Variants in STX16 observed in about 807,000 individuals in gnomAD.
STX16 encodes syntaxin-16.
A neutral mutation model predicts 42.7 loss-of-function variants in STX16; 28 were observed. The ratio of observed to expected loss-of-function variants is 0.66; its 90% confidence interval spans 0.49 to 0.90. STX16 has a LOEUF of 0.90. Among genes scored for constraint, STX16 ranks in the 40% least tolerant of loss-of-function variants. The pLI is 0.00. For missense variants in STX16, 361 were observed against 420.9 expected (o/e 0.86, Z 1.24); for synonymous variants, 156 against 155.2 (o/e 1.00, Z -0.04).
rs190945470 is a variant in STX16, at chr20:58,659,730, G to A, written c.144+96G>A. The A allele has an allele frequency of 9.1e-5, 116 of 1,272,890 alleles. No homozygotes were observed. The East Asian group carries it at 2.3e-3, about 26-fold the overall frequency. 78.8% of individuals were successfully genotyped at this position (1,272,890 alleles called of 1,614,324 possible). A position where few individuals can be genotyped will look rare whatever the true frequency, so the allele number is the denominator to read the frequency against. ...TTTGCTCATATATAAAATGCTAACA[G>A]CTTATACATATTTAGCATTTGTTTT... On this transcript the variant is annotated intron_variant, in intron 2 of 8. Transcript: ENST00000371141.
chr20:58,659,091 A>C (rs1015641919), intron 1 of STX16, among the ~76,000 whole-genome samples: 1 of 152,256 alleles, frequency 6.6e-6, no homozygotes, highest in African/African-American at 2.4e-5. Context: ...GGTCACTCAC[A>C]TGTTATCTGA....
At chr20:58,673,443 T>C (rs1353014711) in intron 7 of STX16, among the ~76,000 whole-genome samples, 188 bp from the exon 8 acceptor site, 1 of 152,192 alleles carries the variant, frequency 6.6e-6, no homozygotes, top group Non-Finnish European at 1.5e-5. Flanking sequence ...CTAACCAGCA[T>C]TCTGCCATCG....
chr20:58,659,490 C>A (rs2083650882), intron 1 of STX16, 133 bp from the exon 2 acceptor site: 1 of 776,122 alleles, frequency 1.3e-6, no homozygotes, highest in Non-Finnish European at 1.9e-6. Flanking sequence ...CTTAGTGGAT[C>A]TTTATATTTA....
At chr20:58,666,663 A>C (rs987030174) in intron 2 of STX16, among the ~76,000 whole-genome samples, 2 of 152,168 alleles carry the variant, frequency 1.3e-5, no homozygotes, top group Non-Finnish European at 2.9e-5. Flanking sequence ...TCCTGACCTC[A>C]GATGATCTGC....
rs79263599 is a variant in STX16, at chr20:58,667,111, T to C, written c.145-379T>C. The C allele has an allele frequency of 8.9e-3, 2,559 of 288,390 alleles. 57 individuals are homozygous for C. The highest frequency in any genetic ancestry group is 0.053 in the African/African-American group (2,376 of 44,598). The allele number at this position is 288,390 out of a possible 1,614,324, so 17.9% of individuals were successfully genotyped here. A position where few individuals can be genotyped will look rare whatever the true frequency, so the allele number is the denominator to read the frequency against. ...CACTTGCAACTGATCACAAGAATCA[T>C]TGAGGTTCATGCCGTTCTATCACAG... is the stretch of plus-strand genomic sequence containing the variant. On this transcript the variant is annotated intron_variant, in intron 2 of 8. Coordinates refer to ENST00000371141, the MANE Select transcript of STX16 (RefSeq NM_001001433.3).
At chr20:58,667,100 C>T in intron 2 of STX16, 2 of 272,234 alleles carry the variant, frequency 7.3e-6, no homozygotes, top group East Asian at 1.0e-4. Flanking sequence ...TGCAACTGAT[C>T]ACAAGAATCA....
chr20:58,652,381 C>G (rs2083484481), intron 1 of STX16: 1 of 588,158 alleles, frequency 1.7e-6, no homozygotes, highest in African/African-American at 1.9e-5. Context: ...ACCCCCCCCC[C>G]CGCACCCCCC....
At chr20:58,674,617 A>T (rs1340435569) in intron 8 of STX16, among the ~76,000 whole-genome samples, 2 of 152,288 alleles carry the variant, frequency 1.3e-5, no homozygotes, top group Non-Finnish European at 2.9e-5. Flanking sequence ...CACTAGTCTA[A>T]CCAGAAGCCC....
intron 8 of STX16, among the ~76,000 whole-genome samples, chr20:58,675,715 G>T (rs2084098866): frequency 6.6e-6 from 1 of 152,186 alleles, no homozygotes; most frequent in Non-Finnish European, 1.5e-5. Flanking sequence ...GTCGAAATGG[G>T]GCCTCTTCCG....
rs757030182 is a variant in STX16, at chr20:58,670,625, C to T, written c.648+22C>T. 3 of 1,596,956 alleles carry T rather than the reference C, an allele frequency of 1.9e-6. No homozygotes were observed. The Admixed American group carries it at 5.0e-5, about 27-fold the overall frequency. On this transcript the variant is annotated intron_variant, in intron 6 of 8. Transcript: ENST00000371141. ...TCGGGTACGTGAACGGGCTGCAAAG[C>T]TGATTGCTGTGTCTGTGCACCCCAT...
chr20:58,652,271 T>C, intron 1 of STX16, 133 bp downstream of exon 1: 1 of 1,336,230 alleles, frequency 7.5e-7, no homozygotes, highest in Non-Finnish European at 1.0e-6. Context: ...TAAGATCTCT[T>C]GGCTAGAGTC....
rs947771134 is a variant in STX16 at position 58,676,537 on chromosome 20, T to C, written c.*246T>C. On this transcript the variant is annotated 3_prime_UTR_variant, in exon 9 of 9. Coordinates refer to ENST00000371141, the MANE Select transcript of STX16 (RefSeq NM_001001433.3). ...TTTGATACTGCTGCACAATAGAGAT[T>C]GAGTTCTGGGATCAGTTATAATATA... is the stretch of plus-strand genomic sequence containing the variant. 2.2e-6 allele frequency: 1 copy of C among 450,874 alleles called. No homozygotes were observed. The highest frequency in any genetic ancestry group is 3.8e-5 in the South Asian group (1 of 26,378). 27.9% of individuals were successfully genotyped at this position (450,874 alleles called of 1,614,324 possible).
At chr20:58,659,688 C>T in intron 2 of STX16, 54 bp downstream of exon 2, 1 of 1,586,970 alleles carries the variant, frequency 6.3e-7, no homozygotes, top group Non-Finnish European at 8.6e-7. Flanking sequence ...TATAAAATAC[C>T]TACTTTTCCT....
intron 4 of STX16, 35 bp downstream of exon 4, chr20:58,668,162 G>C: frequency 1.9e-6 from 3 of 1,611,448 alleles, no homozygotes; most frequent in Non-Finnish European, 2.5e-6. Flanking sequence ...GGAAACCAGC[G>C]AGCCTTCTCA....
intron 5 of STX16, among the ~76,000 whole-genome samples, chr20:58,669,875 GAA>G (rs1295822394): frequency 1.3e-5 from 2 of 152,206 alleles, no homozygotes; most frequent in African/African-American, 4.8e-5. Flanking sequence ...GAGCACCTGA[GAA>G]AACCTCCCCA....
chr20:58,674,710 T>C (rs1463981563), intron 8 of STX16, among the ~76,000 whole-genome samples: 1 of 152,196 alleles, frequency 6.6e-6, no homozygotes, highest in Non-Finnish European at 1.5e-5. Context: ...AGTCTGACCT[T>C]GTCTATGCAG....
chr20:58,659,241 G>A (rs2083645091), intron 1 of STX16, among the ~76,000 whole-genome samples: 2 of 152,004 alleles, frequency 1.3e-5, no homozygotes, highest in East Asian at 1.9e-4. Context: ...TTATTTTCCT[G>A]AGGGAAAATA....
At chr20:58,652,371 AC>A (rs11481928) in intron 1 of STX16, 75,823 of 436,992 alleles carry the variant, frequency 0.17, 153 homozygotes, top group Middle Eastern at 0.26. Flanking sequence ...CTTCCGCAGC[AC>A]CCCCCCCCCC....
At chr20:58,675,499 C>T (rs1244098444) in intron 8 of STX16, among the ~76,000 whole-genome samples, 1 of 152,182 alleles carries the variant, frequency 6.6e-6, no homozygotes, top group African/African-American at 2.4e-5. Context: ...CCGCTCCTGC[C>T]GAGCTTCCAG....
Sources: allele counts gnomAD v4.1 joint callset (sites outside exome capture counted in the v4.1 genomes callset), GRCh38; gene constraint gnomAD v4.1.1; transcripts MANE v1.5; gene names NCBI Gene and HGNC (gene_info 2026-07-23, HGNC 2026-07-21).